Variants in SCAMP1 observed in about 807,000 individuals in gnomAD.
SCAMP1 encodes secretory carrier membrane protein 1, also known as secretory carrier-associated membrane protein 1.
A neutral mutation model predicts 41.8 loss-of-function variants in SCAMP1; 15 were observed. That is an observed-to-expected ratio of 0.36 (90% CI 0.24 to 0.55). SCAMP1 has a LOEUF of 0.55. SCAMP1 is among the 20% of genes least tolerant of loss of function. SCAMP1 has a pLI of 0.86. For missense variants in SCAMP1, 341 were observed against 412.6 expected, an observed-to-expected ratio of 0.83 and a Z score of 1.50; for synonymous variants, 135 against 136.8, an observed-to-expected ratio of 0.99 and a Z score of 0.09.
Position 78,449,865 on chromosome 5 carries a change from T to C in SCAMP1, c.633-68T>C, listed in dbSNP as rs1036491889. 4 of 803,680 alleles carry C rather than the reference T, an allele frequency of 5.0e-6. No homozygotes were observed. The African/African-American group carries it at 5.4e-5, about 11-fold the overall frequency. 49.8% of individuals were successfully genotyped at this position (803,680 alleles called of 1,614,324 possible). A position where few individuals can be genotyped will look rare whatever the true frequency, so the allele number is the denominator to read the frequency against. On this transcript the variant is annotated intron_variant, in intron 6 of 8. Transcript: ENST00000621999. ...GTAAATGTAAAGATAATGAGAAAAA[T>C]GACGTTTTTCCCCTTCTTTCTCTCC...
intron 8 of SCAMP1, among the ~76,000 whole-genome samples, chr5:78,463,850 A>G (rs763543270): frequency 6.6e-5 from 9 of 137,356 alleles, no homozygotes; most frequent in Non-Finnish European, 1.2e-4. Context: ...CATAGTATAC[A>G]GATTTTATCT....
intron 2 of SCAMP1, among the ~76,000 whole-genome samples, chr5:78,397,370 C>A (rs1751678408): frequency 1.3e-5 from 2 of 152,152 alleles, no homozygotes; most frequent in Admixed American, 6.5e-5. Context: ...TAAAACTATA[C>A]AACTCTTAGA....
chr5:78,375,681 T>C (rs2112058496), intron 1 of SCAMP1, among the ~76,000 whole-genome samples: 1 of 152,326 alleles, frequency 6.6e-6, no homozygotes, highest in East Asian at 1.9e-4. Flanking sequence ...AATACTGGAC[T>C]GGAAAGATTC....
intron 8 of SCAMP1, among the ~76,000 whole-genome samples, chr5:78,466,220 G>A (rs988925763): frequency 1.3e-5 from 2 of 152,220 alleles, no homozygotes; most frequent in East Asian, 3.8e-4. Flanking sequence ...CATATATTAC[G>A]TGCCAGGCAC....
chr5:78,391,910 G>C (rs1300259847), intron 2 of SCAMP1, among the ~76,000 whole-genome samples: 1 of 152,172 alleles, frequency 6.6e-6, no homozygotes, highest in Non-Finnish European at 1.5e-5. Context: ...GGCAGGCTGA[G>C]GCAGGAGAAT....
chr5:78,456,251 C>T (rs1325864706), intron 7 of SCAMP1, among the ~76,000 whole-genome samples: 7 of 145,342 alleles, frequency 4.8e-5, no homozygotes, highest in African/African-American at 1.8e-4. Flanking sequence ...TGATTTTGCT[C>T]GTTAGTTGAT....
chr5:78,472,441 G>T (rs1056905443), intron 8 of SCAMP1, among the ~76,000 whole-genome samples: 2 of 151,492 alleles, frequency 1.3e-5, no homozygotes, highest in Admixed American at 1.3e-4. Flanking sequence ...AGTACTTGGT[G>T]TCAAAACCTT....
intron 2 of SCAMP1, among the ~76,000 whole-genome samples, chr5:78,410,111 C>CT (rs1471931122): frequency 1.5e-5 from 2 of 135,484 alleles, no homozygotes; most frequent in African/African-American, 5.7e-5. Context: ...GCCGGGAACT[C>CT]TTTTTCTTTT....
intron 6 of SCAMP1, among the ~76,000 whole-genome samples, chr5:78,425,686 A>G (rs1347041937): frequency 2.0e-5 from 3 of 152,156 alleles, no homozygotes; most frequent in African/African-American, 7.2e-5. Context: ...TAATGATCAT[A>G]TACTGCCATT....
At chr5:78,367,295 A>G (rs980316623) in intron 1 of SCAMP1, among the ~76,000 whole-genome samples, 1 of 152,222 alleles carries the variant, frequency 6.6e-6, no homozygotes, top group Non-Finnish European at 1.5e-5. Context: ...GCTTAAAATA[A>G]CAATTATTTG....
chr5:78,367,580 A>C (rs757209338), intron 1 of SCAMP1, among the ~76,000 whole-genome samples: 7 of 152,198 alleles, frequency 4.6e-5, no homozygotes, highest in Non-Finnish European at 1.0e-4. Flanking sequence ...CTTGAATCAT[A>C]TGCTACTTCT....
chr5:78,452,057 T>C (rs1424469111), intron 7 of SCAMP1, among the ~76,000 whole-genome samples: 2 of 152,244 alleles, frequency 1.3e-5, no homozygotes, highest in Admixed American at 6.5e-5. Context: ...TTTTGGACTA[T>C]TACAAATAAA....
At chr5:78,452,420 T>C (rs1463300565) in intron 7 of SCAMP1, among the ~76,000 whole-genome samples, 1 of 135,056 alleles carries the variant, frequency 7.4e-6, no homozygotes, top group African/African-American at 2.8e-5. Context: ...TTCCCACCTA[T>C]GAGTGAGAAT....
intron 2 of SCAMP1, among the ~76,000 whole-genome samples, chr5:78,401,952 G>T (rs192136194): frequency 6.6e-6 from 1 of 151,972 alleles, no homozygotes; most frequent in Non-Finnish European, 1.5e-5. Context: ...TCAAATATAT[G>T]CACTCAATGC....
At chr5:78,468,485 G>A (rs899506612) in intron 8 of SCAMP1, among the ~76,000 whole-genome samples, 3 of 152,094 alleles carry the variant, frequency 2.0e-5, no homozygotes, top group African/African-American at 7.2e-5. Flanking sequence ...TTTCCCTTCT[G>A]TTAATTGGTA....
Position 78,365,201 on chromosome 5 carries a change from G to A in SCAMP1, c.57+4473G>A, listed in dbSNP as rs138997420. Among the ~76,000 whole-genome samples, 353 of 152,066 alleles carry A rather than the reference G, an allele frequency of 2.3e-3. 3 individuals carry two copies. Among genetic ancestry groups the A allele is most frequent in the Admixed American group, 0.017 (254 of 15,288 alleles). ...AAGAAATTCTGTTTAATGGCCAGGC[G>A]CAGTGGCTCACGCCTGTAATCCCAG... On this transcript the variant is annotated intron_variant, in intron 1 of 8. Transcript: ENST00000621999.
intron 2 of SCAMP1, among the ~76,000 whole-genome samples, chr5:78,398,576 G>T: frequency 8.8e-6 from 1 of 113,184 alleles, no homozygotes; most frequent in South Asian, 2.9e-4. Flanking sequence ...TTTTGAGACA[G>T]AGTCTTGCTC....
chr5:78,410,182 A>G (rs556602771), intron 2 of SCAMP1, among the ~76,000 whole-genome samples: 3 of 151,326 alleles, frequency 2.0e-5, no homozygotes, highest in African/African-American at 7.3e-5. Flanking sequence ...GGTTTGTTAC[A>G]TAGGCAAACG....
chr5:78,449,887 C>A, intron 6 of SCAMP1, 46 bp from the exon 7 acceptor site: 1 of 1,029,476 alleles, frequency 9.7e-7, no homozygotes, highest in Non-Finnish European at 1.4e-6. Flanking sequence ...CCTTCTTTCT[C>A]TCCCCCTAAC....
Sources: gnomAD v4.1 joint callset for allele counts (sites outside exome capture counted in the v4.1 genomes callset) on GRCh38, gnomAD v4.1.1 for gene constraint, MANE v1.5 for transcripts, NCBI Gene and HGNC (gene_info 2026-07-23, HGNC 2026-07-21) for gene names.